Variants in NAALADL2 observed in about 807,000 individuals in gnomAD.
NAALADL2 encodes inactive N-acetylated-alpha-linked acidic dipeptidase-like protein 2.
Under a neutral mutation model 87.2 loss-of-function variants are expected in NAALADL2, and 76 were observed. The observed-to-expected ratio is 0.87, with a 90% CI of 0.72 to 1.05. The LOEUF is 1.05. NAALADL2 is among the 50% of genes least tolerant of loss of function. The pLI is 0.00. For missense variants in NAALADL2, 1,089 were observed against 945.8 expected, an observed-to-expected ratio of 1.15 and a Z score of -1.99; for synonymous variants, 354 against 331.0, an observed-to-expected ratio of 1.07 and a Z score of -0.75.
intron 1 of NAALADL2, among the ~76,000 whole-genome samples, chr3:174,441,730 T>C (rs1162863215): frequency 6.6e-6 from 1 of 151,774 alleles, no homozygotes; most frequent in Non-Finnish European, 1.5e-5. Flanking sequence ...CTTTGCTTTT[T>C]TTTTTTTTTC....
At chr3:174,536,166 T>C (rs1721705181) in intron 1 of NAALADL2, among the ~76,000 whole-genome samples, 2 of 152,160 alleles carry the variant, frequency 1.3e-5, no homozygotes, top group Admixed American at 6.5e-5. Flanking sequence ...TCCATATTAC[T>C]GTTTTTAATA....
chr3:175,026,330 G>T (rs1176427989), intron 1 of NAALADL2, among the ~76,000 whole-genome samples: 1 of 151,788 alleles, frequency 6.6e-6, no homozygotes, highest in South Asian at 2.1e-4. Flanking sequence ...TGCCACAAGT[G>T]AGCAAGAGGC....
At chr3:174,892,203 A>G (rs943478037) in intron 1 of NAALADL2, among the ~76,000 whole-genome samples, 1 of 152,202 alleles carries the variant, frequency 6.6e-6, no homozygotes, top group East Asian at 1.9e-4. Context: ...TCCATGAAAC[A>G]TGACCTCACC....
At chr3:175,682,934 A>G (rs1420483989) in intron 11 of NAALADL2, among the ~76,000 whole-genome samples, 3 of 152,030 alleles carry the variant, frequency 2.0e-5, no homozygotes, top group Non-Finnish European at 4.4e-5. Context: ...GGGGAAACAT[A>G]TAACAAAATT....
At chr3:175,523,830 A>G (rs1454786434) in intron 9 of NAALADL2, among the ~76,000 whole-genome samples, 1 of 152,232 alleles carries the variant, frequency 6.6e-6, no homozygotes, top group African/African-American at 2.4e-5. Flanking sequence ...GGAGCAGGTA[A>G]TTGAAAAAGT....
At chr3:174,838,936 A>G (rs764729559) in intron 3 of NAALADL2, among the ~76,000 whole-genome samples, 1 of 152,104 alleles carries the variant, frequency 6.6e-6, no homozygotes, top group Non-Finnish European at 1.5e-5. Flanking sequence ...TACAATCTAC[A>G]AATTCAATGC....
chr3:175,176,660 A>G (rs1331328602), intron 2 of NAALADL2, among the ~76,000 whole-genome samples: 1 of 152,060 alleles, frequency 6.6e-6, no homozygotes, highest in African/African-American at 2.4e-5. Context: ...AAAGTCAGAG[A>G]GCACAATATG....
At chr3:174,740,347 C>A (rs1326387280) in intron 3 of NAALADL2, among the ~76,000 whole-genome samples, 3 of 151,852 alleles carry the variant, frequency 2.0e-5, no homozygotes, top group Non-Finnish European at 4.4e-5. Flanking sequence ...AAACTAAAAA[C>A]CCTCAGACCT....
At chr3:174,535,433 G>T (rs556943764) in intron 1 of NAALADL2, among the ~76,000 whole-genome samples, 65 of 152,036 alleles carry the variant, frequency 4.3e-4, no homozygotes, top group Non-Finnish European at 7.4e-4. Flanking sequence ...TAACAGACAG[G>T]GTTCCCTCAT....
chr3:175,059,652 C>G, intron 1 of NAALADL2: 1 of 357,286 alleles, frequency 2.8e-6, no homozygotes. Flanking sequence ...TTCTTTGATT[C>G]ATTCTGGGCA....
chr3:175,201,830 T>C (rs1216651153), intron 2 of NAALADL2, among the ~76,000 whole-genome samples: 2 of 151,656 alleles, frequency 1.3e-5, no homozygotes, highest in African/African-American at 4.8e-5. Flanking sequence ...ACTATTGCTA[T>C]GTTGCTAAAG....
At chr3:175,192,896 TA>T (rs201110402) in intron 2 of NAALADL2, among the ~76,000 whole-genome samples, 7 of 151,384 alleles carry the variant, frequency 4.6e-5, no homozygotes, top group Admixed American at 2.0e-4. Context: ...CACAATATGA[TA>T]AAAAAAACCC....
intron 1 of NAALADL2, among the ~76,000 whole-genome samples, chr3:174,997,998 G>A (rs1747748976): frequency 6.6e-6 from 1 of 152,086 alleles, no homozygotes; most frequent in South Asian, 2.1e-4. Flanking sequence ...TTTTACTCTT[G>A]CATCATTAAA....
intron 2 of NAALADL2, among the ~76,000 whole-genome samples, chr3:175,168,544 A>AT (rs1167967953): frequency 6.6e-6 from 1 of 151,880 alleles, no homozygotes; most frequent in Admixed American, 6.6e-5. Flanking sequence ...TACTGTTCTG[A>AT]TTTTAATAAT....
rs1732615471 is a variant in NAALADL2 at position 175,158,251 on chromosome 3, T to A, written c.545+60960T>A. 1.3e-5 allele frequency among the ~76,000 whole-genome samples: 2 copies of A among 152,016 alleles called. 1 individual carries two copies. The highest frequency in any genetic ancestry group is 4.1e-4 in the South Asian group (2 of 4,828). ...GGCACATTTCAGTAGGGTTACGGATTTTTTGCCCTCATTTGGCGATCAGAG... is the reference window on the plus strand; with the variant it reads ...GGCACATTTCAGTAGGGTTACGGATATTTTGCCCTCATTTGGCGATCAGAG... On this transcript the variant is annotated intron_variant, in intron 2 of 13. Coordinates refer to ENST00000454872, the MANE Select transcript of NAALADL2 (RefSeq NM_207015.3).
intron 1 of NAALADL2, among the ~76,000 whole-genome samples, chr3:174,864,343 G>C (rs1245883711): frequency 3.9e-5 from 6 of 152,032 alleles, no homozygotes; most frequent in African/African-American, 9.7e-5. Flanking sequence ...TACTTGAATA[G>C]AACGTGAGAT....
chr3:174,668,756 A>AT (rs1726223921), intron 2 of NAALADL2, among the ~76,000 whole-genome samples: 1 of 152,116 alleles, frequency 6.6e-6, no homozygotes, highest in African/African-American at 2.4e-5. Flanking sequence ...TGAACTCATC[A>AT]TTTTTTATGG....
chr3:174,892,496 G>A (rs964925722), intron 1 of NAALADL2, among the ~76,000 whole-genome samples: 1 of 151,946 alleles, frequency 6.6e-6, no homozygotes, highest in Non-Finnish European at 1.5e-5. Flanking sequence ...CTAGAAAATA[G>A]CCTCAAAAGG....
chr3:175,297,673 CT>C (rs1756548745), intron 4 of NAALADL2, among the ~76,000 whole-genome samples: 1 of 152,098 alleles, frequency 6.6e-6, no homozygotes, highest in Admixed American at 6.6e-5. Flanking sequence ...CTCTGTGTTG[CT>C]TATGGACTGC....
Sources: gnomAD v4.1 joint callset for allele counts (sites outside exome capture counted in the v4.1 genomes callset) on GRCh38, gnomAD v4.1.1 for gene constraint, MANE v1.5 for transcripts, NCBI Gene and HGNC (gene_info 2026-07-23, HGNC 2026-07-21) for gene names.